SIRT3: variants seen among roughly 807,000 people sequenced by gnomAD.
SIRT3 encodes NAD-dependent protein deacetylase sirtuin-3, mitochondrial.
Under a neutral mutation model 33.5 loss-of-function variants are expected in SIRT3, and 26 were observed. That is an observed-to-expected ratio of 0.78 (90% CI 0.57 to 1.08). SIRT3 has a LOEUF of 1.08. Ranked by LOEUF, SIRT3 falls within the 50% of genes least tolerant of loss-of-function variation. The probability of loss-of-function intolerance (pLI) is 0.00; values close to 1 mark genes in which losing one functional copy is unlikely to be tolerated. For synonymous variants in SIRT3, 237 were observed against 222.1 expected (o/e 1.07, Z -0.60); for missense variants, 585 against 530.1 (o/e 1.10, Z -1.02).
intron 4 of SIRT3, chr11:226,012 G>C (rs1590159225): frequency 6.6e-6 from 1 of 152,254 alleles, no homozygotes; most frequent in South Asian, 2.1e-4. Flanking sequence ...CAAAGAGGGA[G>C]GGTGGCTGTG....
At chr11:232,258 C>A (rs774300476) in intron 3 of SIRT3, among the ~76,000 whole-genome samples, 1 of 152,050 alleles carries the variant, frequency 6.6e-6, no homozygotes, top group Non-Finnish European at 1.5e-5. Flanking sequence ...CCTGGGATTA[C>A]AGGCACACAC....
intron 5 of SIRT3, among the ~76,000 whole-genome samples, chr11:219,348 G>A (rs911005163): frequency 3.9e-5 from 6 of 152,066 alleles, no homozygotes; most frequent in African/African-American, 1.4e-4. Context: ...CTCTTTGTGA[G>A]CACGTTCTGT....
rs766411762 is a variant in SIRT3 at position 236,266 on chromosome 11, C to T, written c.63G>A (p.Arg21=). Residue 21 remains arginine, a synonymous_variant, in exon 1 of 7, where the codon CGG becomes CGA. Transcript: ENST00000382743. ...ALRLWGRVVE[R]VEAGGGVGPF... ...GCCCCACGCCTCCCCCGGCCTCGAC[C>T]CGTTCAACTACCCGGCCCCACAGCC... 3 of 1,543,480 alleles carry T rather than the reference C, an allele frequency of 1.9e-6. No homozygotes were observed. Among genetic ancestry groups the T allele is most frequent in the Non-Finnish European group, 2.6e-6 (3 of 1,149,850 alleles).
chr11:230,533 T>C lies in SIRT3; in HGVS notation c.726A>G (p.Ser242=), dbSNP rs200224494. Residue 242 remains serine, a synonymous_variant, in exon 4 of 7, where the codon TCA becomes TCG. Coordinates refer to ENST00000382743, the MANE Select transcript of SIRT3 (RefSeq NM_012239.6). ...GLERVSGIPA[S]KLVEAHGTFA... ...AGGTTCCATGAGCTTCAACCAGCTT[T>C]GAGGCAGGGATGCCCGACACTGAAA... The C allele has an allele frequency of 7.2e-5, 111 of 1,531,864 alleles. No homozygotes were observed. The highest frequency in any genetic ancestry group is 9.4e-5 in the Non-Finnish European group (107 of 1,139,408). 94.9% of individuals were successfully genotyped at this position (1,531,864 alleles called of 1,614,324 possible). A position where few individuals can be genotyped will look rare whatever the true frequency, so the allele number is the denominator to read the frequency against.
chr11:235,505 TCAC>T (rs1350631853), intron 1 of SIRT3, among the ~76,000 whole-genome samples: 1 of 152,250 alleles, frequency 6.6e-6, no homozygotes, highest in East Asian at 1.9e-4. Context: ...ACTTCGAGAC[TCAC>T]TTTTCACCAA....
Position 229,355 on chromosome 11 carries a change from G to T in SIRT3, c.807+1097C>A, listed in dbSNP as rs150716073. ...AGCTACTCAGGAAGCTGAGGCAGGA[G>T]AATCGCTTGAACCCAGGAGGCGGAT... On this transcript the variant is annotated intron_variant, in intron 4 of 6. Coordinates refer to ENST00000382743, the MANE Select transcript of SIRT3 (RefSeq NM_012239.6). Among the ~76,000 whole-genome samples, 1,319 of 152,146 alleles carry T rather than the reference G, an allele frequency of 8.7e-3. 18 individuals carry two copies. The highest frequency in any genetic ancestry group is 0.03 in the African/African-American group (1,225 of 41,478).
intron 3 of SIRT3, among the ~76,000 whole-genome samples, chr11:231,522 A>T (rs1333138794): frequency 6.6e-6 from 1 of 152,238 alleles, no homozygotes; most frequent in African/African-American, 2.4e-5. Flanking sequence ...TAAATTCCAA[A>T]AGAATTGCTT....
chr11:216,256 C>T lies in SIRT3; in HGVS notation c.*442G>A, dbSNP rs1855634382. ...GTGCGGCACCAGGGCCTCAAGACTACACTTCGGAACATGAAGAGGGCTGGG... is the reference window on the plus strand; with the variant it reads ...GTGCGGCACCAGGGCCTCAAGACTATACTTCGGAACATGAAGAGGGCTGGG... On this transcript the variant is annotated 3_prime_UTR_variant, in exon 7 of 7. Transcript: ENST00000382743. 1 of 166,774 alleles carries T rather than the reference C, an allele frequency of 6.0e-6. No individual in the cohort carries two copies. The highest frequency in any genetic ancestry group is 2.4e-5 in the African/African-American group (1 of 41,984). The allele number at this position is 166,774 out of a possible 1,614,324, so 10.3% of individuals were successfully genotyped here.
At position 223,540 on chromosome 11, in the gene SIRT3, T is replaced by G; in HGVS notation, c.969+538A>C. The G allele has an allele frequency of 2.7e-6, 1 of 368,952 alleles. No homozygotes were observed. The allele number at this position is 368,952 out of a possible 1,614,324, so 22.9% of individuals were successfully genotyped here. The stretch of plus-strand genomic sequence containing the variant: ...ACGTCCCCGGGCCAGTCCCTGTGGA[T>G]TTATCACTCCTCCCACTGCAGCATC... On this transcript the variant is annotated intron_variant, in intron 5 of 6. Transcript: ENST00000382743. This position sits in a 1 kb window ranked among gnomAD's most constrained non-coding sequence, Gnocchi z 4.8.
rs1859044579 is a variant in SIRT3, at chr11:236,125, C to G, written c.204G>C (p.Gln68His). ...TGGGCACCTCGGGTCTGGGAGGCCT[C>G]TGCAAGGGGCGCGCCGGGTCCAAGG... ...GEPLDPARPL[Q>H]RPPRPEVPRA... Residue 68 changes from glutamine to histidine, a missense_variant, in exon 1 of 7, where the codon CAG becomes CAC. By Grantham distance (24) the Gln-to-His change is conservative. Transcript: ENST00000382743. 1 of 1,579,164 alleles carries G rather than the reference C, an allele frequency of 6.3e-7. No individual in the cohort carries two copies. The highest frequency in any genetic ancestry group is 1.2e-5 in the South Asian group (1 of 86,522).
rs201586881 is a variant in SIRT3 at position 232,999 on chromosome 11, G to C, written c.690C>G (p.Ile230Met). 6.2e-7 allele frequency: 1 copy of C among 1,614,098 alleles called. No individual in the cohort carries two copies. The highest frequency in any genetic ancestry group is 1.3e-5 in the African/African-American group (1 of 75,040). Reference sequence around the variant, plus strand: ...AGGGCTCACCTCTCTCAAGCCCATCGATGTTCTGCGTGTAGAGCCGCAGAA... The same window carrying C: ...AGGGCTCACCTCTCTCAAGCCCATCCATGTTCTGCGTGTAGAGCCGCAGAA... Reference protein sequence around the residue: ...GLLLRLYTQNIDGLERVSGIP... With the variant: ...GLLLRLYTQNMDGLERVSGIP... The change falls in exon 3 of 7, where the codon ATC becomes ATG. Residue 230 changes from isoleucine (I) to methionine (M), a missense_variant. Coordinates refer to ENST00000382743, the MANE Select transcript of SIRT3 (RefSeq NM_012239.6).
chr11:219,116 C>A, intron 5 of SIRT3, 75 bp from the exon 6 acceptor site: 1 of 1,502,156 alleles, frequency 6.7e-7, no homozygotes, highest in Non-Finnish European at 8.9e-7. Flanking sequence ...GCCACAGCCA[C>A]CGAGGCCTTG....
chr11:218,380 T>C (rs1005851882), intron 6 of SIRT3, among the ~76,000 whole-genome samples: 1 of 152,238 alleles, frequency 6.6e-6, no homozygotes, highest in Non-Finnish European at 1.5e-5. Context: ...CTCAGCGGAT[T>C]ATAATTGATC....
upstream of SIRT3, chr11:236,822 G>T (rs1413581073): frequency 5.2e-6 from 3 of 577,562 alleles, no homozygotes; most frequent in Non-Finnish European, 9.3e-6. Context: ...ACGCCTCAAT[G>T]GCACAGCCAA....
chr11:233,291 G>A (rs912295622), intron 2 of SIRT3, 52 bp downstream of exon 2: 30 of 1,600,620 alleles, frequency 1.9e-5, no homozygotes, highest in Non-Finnish European at 2.6e-5. Flanking sequence ...AGTGGGGAGG[G>A]CAGGAGTCAG....
intron 4 of SIRT3, among the ~76,000 whole-genome samples, chr11:228,086 G>A (rs1405507845): frequency 1.3e-5 from 2 of 152,094 alleles, no homozygotes; most frequent in Admixed American, 6.6e-5. Context: ...ACATCCAGAC[G>A]GCCTCATCTC....
rs61740927 is a variant in SIRT3 at position 218,904 on chromosome 11, G to A, written c.1107C>T (p.Gly369=). The A allele has an allele frequency of 2.5e-4, 405 of 1,614,058 alleles. 3 individuals are homozygous for A. The African/African-American group carries it at 4.6e-3, about 18-fold the overall frequency. ...CCAGAAGCTCCACTAGGCTTTCCAC[G>A]CCGTGAACCACGTCCCCCAGCTGGG... ...DVAQLGDVVH[G]VESLVELLGW... Residue 369 remains glycine, a synonymous_variant, in exon 6 of 7, where the codon GGC becomes GGT. Coordinates refer to ENST00000382743, the MANE Select transcript of SIRT3 (RefSeq NM_012239.6).
chr11:218,809 T>C (rs753409725), intron 6 of SIRT3, 23 bp downstream of exon 6: 2 of 1,614,140 alleles, frequency 1.2e-6, no homozygotes, highest in Non-Finnish European at 1.7e-6. Flanking sequence ...GCCCCTTGGA[T>C]GGTCCTCCTC....
chr11:225,335 C>T (rs1357666763), intron 4 of SIRT3, among the ~76,000 whole-genome samples: 1 of 152,124 alleles, frequency 6.6e-6, no homozygotes, highest in East Asian at 1.9e-4. Context: ...TCACTTGAAC[C>T]TGGGAGGCGG....
Sources: allele counts gnomAD v4.1 joint callset (sites outside exome capture counted in the v4.1 genomes callset), GRCh38; gene constraint gnomAD v4.1.1; non-coding constraint Gnocchi (gnomAD v3.1); transcripts MANE v1.5; gene names NCBI Gene and HGNC (gene_info 2026-07-23, HGNC 2026-07-21).